The following THSD7A variants were observed in gnomAD, a reference collection of about 807,000 sequenced individuals.
The protein encoded by THSD7A is thrombospondin type-1 domain-containing protein 7A.
THSD7A carries 96 observed loss-of-function variants against 231.3 expected under a neutral mutation model. That is an observed-to-expected ratio of 0.41 (90% confidence interval 0.35 to 0.49). The LOEUF (loss-of-function observed/expected upper bound fraction) is 0.49, where lower values mean the gene tolerates loss of function less well. Among genes scored for constraint, THSD7A ranks in the 20% least tolerant of loss-of-function variants. The pLI is 0.05. For missense variants in THSD7A, 2,290 were observed against 2,070.2 expected, an observed-to-expected ratio of 1.11 and a Z score of -2.06; for synonymous variants, 940 against 743.3, an observed-to-expected ratio of 1.26 and a Z score of -4.30.
intron 4 of THSD7A, among the ~76,000 whole-genome samples, chr7:11,568,652 AAACC>A (rs1336458539): frequency 3.8e-4 from 52 of 136,406 alleles, no homozygotes; most frequent in African/African-American, 1.4e-3. Context: ...AAAAAAAAAA[AAACC>A]AAAATCTGGA....
At chr7:11,520,581 T>C (rs1055030986) in intron 6 of THSD7A, among the ~76,000 whole-genome samples, 1 of 152,180 alleles carries the variant, frequency 6.6e-6, no homozygotes, top group Non-Finnish European at 1.5e-5. Context: ...TATCAAGTGC[T>C]TGAAAATGTT....
chr7:11,514,300 A>G (rs1165963328), intron 6 of THSD7A, among the ~76,000 whole-genome samples: 9 of 152,218 alleles, frequency 5.9e-5, no homozygotes, highest in Non-Finnish European at 1.3e-4. Flanking sequence ...GTCCATGAAG[A>G]CAGATACATT....
intron 23 of THSD7A, 128 bp from the exon 24 acceptor site, chr7:11,382,744 A>G (rs995976978): frequency 2.8e-5 from 22 of 785,008 alleles, no homozygotes; most frequent in Non-Finnish European, 6.3e-6. Context: ...ATGTCAATTT[A>G]TTGTCCTGAA....
intron 4 of THSD7A, among the ~76,000 whole-genome samples, chr7:11,561,045 T>G (rs142532749): frequency 2.6e-3 from 397 of 152,210 alleles, no homozygotes; most frequent in African/African-American, 9.1e-3. Context: ...GGCAACCGAG[T>G]ATGAAGTTGC....
chr7:11,720,084 A>G (rs565438003), intron 1 of THSD7A, among the ~76,000 whole-genome samples: 3 of 151,740 alleles, frequency 2.0e-5, no homozygotes, highest in Non-Finnish European at 4.4e-5. Context: ...GTTTAAGAAC[A>G]CATTCCAACA....
chr7:11,624,244 C>A (rs1354794280), intron 2 of THSD7A, among the ~76,000 whole-genome samples: 1 of 152,050 alleles, frequency 6.6e-6, no homozygotes, highest in African/African-American at 2.4e-5. Flanking sequence ...CACGACCTTA[C>A]TTGTGGCTGT....
At chr7:11,539,959 G>A (rs1404102704) in intron 6 of THSD7A, among the ~76,000 whole-genome samples, 9 of 152,160 alleles carry the variant, frequency 5.9e-5, no homozygotes, top group African/African-American at 1.4e-4. Flanking sequence ...AATTCAATAC[G>A]ACCCTGACTG....
intron 4 of THSD7A, among the ~76,000 whole-genome samples, chr7:11,589,860 T>A (rs1780082648): frequency 6.6e-6 from 1 of 152,180 alleles, no homozygotes; most frequent in Non-Finnish European, 1.5e-5. Flanking sequence ...TTGTATTCAC[T>A]TATTCTTTTG....
At chr7:11,468,984 AG>A (rs1785824089) in intron 9 of THSD7A, among the ~76,000 whole-genome samples, 1 of 152,180 alleles carries the variant, frequency 6.6e-6, no homozygotes, top group African/African-American at 2.4e-5. Context: ...ACACAGTAAA[AG>A]TATCCATTAT....
chr7:11,686,009 A>G (rs561512831), intron 1 of THSD7A, among the ~76,000 whole-genome samples: 2 of 152,126 alleles, frequency 1.3e-5, no homozygotes, highest in African/African-American at 4.8e-5. Context: ...AAATGTACAT[A>G]TACACCATGG....
intron 1 of THSD7A, among the ~76,000 whole-genome samples, chr7:11,722,067 G>C (rs906466411): frequency 1.3e-5 from 2 of 151,796 alleles, no homozygotes; most frequent in African/African-American, 4.8e-5. Context: ...ATAATAACAA[G>C]AGGACTCTAG....
At chr7:11,542,749 T>G (rs1313030827) in intron 5 of THSD7A, among the ~76,000 whole-genome samples, 3 of 152,226 alleles carry the variant, frequency 2.0e-5, no homozygotes, top group Non-Finnish European at 4.4e-5. Flanking sequence ...CTCCATCATG[T>G]TGTCTAAATT....
chr7:11,424,812 T>C lies in THSD7A; in HGVS notation c.3267A>G (p.Pro1089=). ...GGTACTGGTTGCAGTCACTGTGGCA[T>C]GGGACAACCTCATACACCTGAAACA... ...VNQAQVYEVV[P]CHSDCNQYLW... is the part of the protein sequence containing the mutation. Residue 1089 remains proline (P), a synonymous_variant, in exon 16 of 28, where the codon CCA becomes CCG. Transcript: ENST00000423059. The C allele has an allele frequency of 6.2e-7, 1 of 1,614,016 alleles. No individual in the cohort carries two copies. Among genetic ancestry groups the C allele is most frequent in the East Asian group, 2.2e-5 (1 of 44,876 alleles).
rs113972708 is a variant in THSD7A, at chr7:11,710,357, C to T, written c.191-73396G>A. Among the ~76,000 whole-genome samples, 57 of 150,940 alleles carry T rather than the reference C, an allele frequency of 3.8e-4. 1 individual carries two copies. The highest frequency in any genetic ancestry group is 2.4e-4 in the Non-Finnish European group (16 of 67,200). The stretch of plus-strand genomic sequence containing the variant: ...CCTGTAACTCACATTTGTTTCAGAC[C>T]CCTTGGGCAACCTGAGTTAGATTCC... On this transcript the variant is annotated intron_variant, in intron 1 of 27. Transcript: ENST00000423059.
intron 1 of THSD7A, among the ~76,000 whole-genome samples, chr7:11,812,257 C>G (rs1372258266): frequency 6.6e-6 from 1 of 151,916 alleles, no homozygotes; most frequent in Admixed American, 6.6e-5. Flanking sequence ...TCAATTTAAA[C>G]TCCTGCGTTA....
intron 1 of THSD7A, among the ~76,000 whole-genome samples, chr7:11,802,370 T>C (rs1784300280): frequency 6.6e-6 from 1 of 152,176 alleles, no homozygotes; most frequent in Non-Finnish European, 1.5e-5. Context: ...GTGATTCTGA[T>C]GCAGACAAAA....
intron 4 of THSD7A, among the ~76,000 whole-genome samples, chr7:11,549,297 T>C (rs76799436): frequency 7.2e-6 from 1 of 138,338 alleles, no homozygotes; most frequent in African/African-American, 2.5e-5. Flanking sequence ...GTTTGTGTAA[T>C]GTAAATTACA....
intron 1 of THSD7A, among the ~76,000 whole-genome samples, chr7:11,676,089 T>C (rs939030270): frequency 5.3e-5 from 8 of 152,172 alleles, no homozygotes; most frequent in African/African-American, 1.7e-4. Flanking sequence ...ATCTTTGCTG[T>C]TCTGTAGCCT....
rs1434843882 is a variant in THSD7A at position 11,814,661 on chromosome 7, G to C, written c.190+17096C>G. 6.6e-6 allele frequency among the ~76,000 whole-genome samples: 1 copy of C among 152,104 alleles called. No homozygotes were observed. Among genetic ancestry groups the C allele is most frequent in the Non-Finnish European group, 1.5e-5 (1 of 68,012 alleles). On this transcript the variant is annotated intron_variant, in intron 1 of 27. Transcript: ENST00000423059. This position sits in a 1 kb window ranked among gnomAD's most constrained non-coding sequence, Gnocchi z 5.1. ...TTCAAAACCAGTTCTCTTATACAAT[G>C]AGCCAAGAGAACTAAAGAAATTACA... is the stretch of plus-strand genomic sequence containing the variant.
Sources: gnomAD v4.1 joint callset for allele counts (sites outside exome capture counted in the v4.1 genomes callset) on GRCh38, gnomAD v4.1.1 for gene constraint, Gnocchi (gnomAD v3.1) non-coding constraint, MANE v1.5 for transcripts, NCBI Gene and HGNC (gene_info 2026-07-23, HGNC 2026-07-21) for gene names.